The following LTBP1 variants were observed in gnomAD, a reference collection of about 807,000 sequenced individuals.
LTBP1 encodes latent transforming growth factor beta binding protein 1, also known as latent-transforming growth factor beta-binding protein 1.
Under a neutral mutation model 207.6 loss-of-function variants are expected in LTBP1, and 129 were observed. The observed-to-expected ratio is 0.62, with a 90% confidence interval of 0.54 to 0.72. The LOEUF is 0.72. Among genes scored for constraint, LTBP1 ranks in the 30% least tolerant of loss-of-function variants. LTBP1 has a pLI of 0.00. For synonymous variants in LTBP1, 963 were observed against 833.7 expected (o/e 1.16, Z -2.67); for missense variants, 2,281 against 2,217.2 (o/e 1.03, Z -0.58).
chr2:33,197,408 C>T (rs2088684519), intron 7 of LTBP1, among the ~76,000 whole-genome samples: 1 of 152,206 alleles, frequency 6.6e-6, no homozygotes, highest in African/African-American at 2.4e-5. Flanking sequence ...TCACCAGCCA[C>T]TTCAGGGTAA....
chr2:33,225,416 T>TA (rs1319876352), intron 9 of LTBP1, among the ~76,000 whole-genome samples: 6 of 152,204 alleles, frequency 3.9e-5, no homozygotes, highest in South Asian at 2.1e-4. Context: ...TAACTGGACT[T>TA]ACAGTTCCAC....
At chr2:33,086,648 C>A (rs1343185922) in intron 3 of LTBP1, among the ~76,000 whole-genome samples, 1 of 152,210 alleles carries the variant, frequency 6.6e-6, no homozygotes, top group Non-Finnish European at 1.5e-5. Context: ...GGCAGCACCG[C>A]ACGGTAGGCT....
At chr2:33,391,956 T>G (rs1018417548) in intron 32 of LTBP1, among the ~76,000 whole-genome samples, 3 of 152,322 alleles carry the variant, frequency 2.0e-5, no homozygotes, top group Middle Eastern at 6.8e-3. Flanking sequence ...AGAGAAATAT[T>G]TCCCCCTTCC....
chr2:33,257,175 T>C, intron 11 of LTBP1, 109 bp from the exon 12 acceptor site: 2 of 742,046 alleles, frequency 2.7e-6, no homozygotes, highest in South Asian at 5.4e-5. Flanking sequence ...TTTTAAAATG[T>C]AACTACATTA....
At chr2:33,106,746 T>C (rs563953863) in intron 3 of LTBP1, among the ~76,000 whole-genome samples, 6 of 152,132 alleles carry the variant, frequency 3.9e-5, no homozygotes, top group Non-Finnish European at 8.8e-5. Context: ...TTAGCATAAT[T>C]CTCAAGAGCC....
intron 2 of LTBP1, among the ~76,000 whole-genome samples, chr2:32,966,511 G>C (rs1680027966): frequency 6.6e-6 from 1 of 152,136 alleles, no homozygotes; most frequent in Non-Finnish European, 1.5e-5. Flanking sequence ...GGTGTTAGCT[G>C]TATGTTTTTT....
At chr2:32,964,310 G>A (rs1209066609) in intron 2 of LTBP1, among the ~76,000 whole-genome samples, 1 of 152,198 alleles carries the variant, frequency 6.6e-6, no homozygotes, top group African/African-American at 2.4e-5. Flanking sequence ...TGAAAAAGGA[G>A]CTGGTTTGCT....
intron 24 of LTBP1, among the ~76,000 whole-genome samples, chr2:33,320,599 C>T (rs893849794): frequency 2.0e-5 from 3 of 151,980 alleles, no homozygotes; most frequent in South Asian, 2.1e-4. Flanking sequence ...CTTCTACTGG[C>T]GAAGTGATAA....
Position 33,171,824 on chromosome 2 carries a change from C to G in LTBP1, c.1202-15032C>G, listed in dbSNP as rs540811189. 1.9e-4 allele frequency among the ~76,000 whole-genome samples: 29 copies of G among 152,232 alleles called. No homozygotes were observed. In the South Asian group the frequency reaches 5.8e-3, roughly 30 times the overall value. On this transcript the variant is annotated intron_variant, in intron 5 of 33. Coordinates refer to ENST00000404816, the MANE Select transcript of LTBP1 (RefSeq NM_206943.4). ...AGCGGATCTCTCGGCAGAAACTCTA[C>G]AAGCCAGAAGAGAGTGGGGGCCAAT... is the stretch of plus-strand genomic sequence containing the variant.
At position 33,110,603 on chromosome 2, in the gene LTBP1, G is replaced by A. The variant is rs1169562457; in HGVS notation, c.885G>A (p.Gln295=). ...CCAGAGTGACTCCTCTTTCTTCCCA[G>A]AGTGTGGTGATTCACCATGGCCAGA... ...IHSQVTPLSS[Q]SVVIHHGQTQ... is the part of the protein sequence containing the mutation. The change falls in exon 4 of 34, where the codon CAG becomes CAA. Residue 295 remains glutamine (Q), a synonymous_variant. Transcript: ENST00000404816. 6.2e-7 allele frequency: 1 copy of A among 1,613,580 alleles called. No individual in the cohort carries two copies. The highest frequency in any genetic ancestry group is 1.1e-5 in the South Asian group (1 of 90,966).
Position 33,098,991 on chromosome 2 carries a change from C to G in LTBP1, c.864-11591C>G, listed in dbSNP as rs556603992. On this transcript the variant is annotated intron_variant, in intron 3 of 33. Transcript: ENST00000404816. ...TGTTGTTCTAGTATAAGAAGATTTA[C>G]TTGTTCAGATTTTGCAGCTTCTCAT... Among the ~76,000 whole-genome samples, 4 of 152,292 alleles carry G rather than the reference C, an allele frequency of 2.6e-5. No individual in the cohort carries two copies. In the South Asian group the frequency reaches 6.2e-4, roughly 24 times the overall value.
chr2:33,311,154 A>G (rs1001575320), intron 23 of LTBP1, among the ~76,000 whole-genome samples: 3 of 152,110 alleles, frequency 2.0e-5, no homozygotes, highest in African/African-American at 7.2e-5. Context: ...ATATATCTAT[A>G]TTACCGGTCA....
chr2:33,109,871 G>T (rs1243383318), intron 3 of LTBP1, among the ~76,000 whole-genome samples: 1 of 152,152 alleles, frequency 6.6e-6, no homozygotes, highest in African/African-American at 2.4e-5. Flanking sequence ...GGTAACTGAG[G>T]CTTAAAGAGA....
intron 2 of LTBP1, among the ~76,000 whole-genome samples, chr2:32,969,703 A>G (rs924818856): frequency 6.6e-6 from 1 of 152,050 alleles, no homozygotes; most frequent in Non-Finnish European, 1.5e-5. Flanking sequence ...GGTTCCATGC[A>G]TTTGCTATCG....
intron 5 of LTBP1, among the ~76,000 whole-genome samples, chr2:33,183,005 G>A (rs2086829742): frequency 6.6e-6 from 1 of 151,906 alleles, no homozygotes; most frequent in African/African-American, 2.4e-5. Context: ...TCATTTCTTT[G>A]AGTAAAACTT....
At chr2:33,115,135 C>G (rs564109720) in intron 4 of LTBP1, among the ~76,000 whole-genome samples, 81 of 151,986 alleles carry the variant, frequency 5.3e-4, no homozygotes, top group Non-Finnish European at 8.7e-4. Flanking sequence ...TATACACACA[C>G]ACACACAATG....
chr2:33,011,483 A>T (rs1335856711), intron 2 of LTBP1, among the ~76,000 whole-genome samples: 1 of 152,160 alleles, frequency 6.6e-6, no homozygotes, highest in African/African-American at 2.4e-5. Context: ...TGATGTTCTT[A>T]TAAGAAGAGG....
intron 20 of LTBP1, among the ~76,000 whole-genome samples, chr2:33,293,554 A>T (rs1404780452): frequency 1.3e-5 from 2 of 152,206 alleles, no homozygotes; most frequent in Admixed American, 6.5e-5. Context: ...TTATAAAAGC[A>T]ATACACACAG....
At chr2:33,126,324 T>A (rs1012259590) in intron 4 of LTBP1, among the ~76,000 whole-genome samples, 17 of 152,150 alleles carry the variant, frequency 1.1e-4, no homozygotes, top group Admixed American at 9.8e-4. Flanking sequence ...CCCCTCAGCC[T>A]CCCAAAGTGC....
Sources: allele counts gnomAD v4.1 joint callset (sites outside exome capture counted in the v4.1 genomes callset), GRCh38; gene constraint gnomAD v4.1.1; transcripts MANE v1.5; gene names NCBI Gene and HGNC (gene_info 2026-07-23, HGNC 2026-07-21).